Variants in CAB39L observed in about 807,000 individuals in gnomAD.
The protein encoded by CAB39L is calcium-binding protein 39-like.
In CAB39L, 23 loss-of-function variants were observed where a neutral mutation model predicts 39.1. The ratio of observed to expected loss-of-function variants is 0.59; its 90% CI spans 0.42 to 0.83. CAB39L has a LOEUF of 0.83. Among genes scored for constraint, CAB39L ranks in the 40% least tolerant of loss-of-function variants. The pLI is 0.00. For missense variants in CAB39L, 366 were observed against 391.9 expected, an observed-to-expected ratio of 0.93 and a Z score of 0.56; for synonymous variants, 126 against 137.2, an observed-to-expected ratio of 0.92 and a Z score of 0.57.
chr13:49,316,413 C>T (rs189157506), intron 10 of CAB39L, among the ~76,000 whole-genome samples: 1 of 152,068 alleles, frequency 6.6e-6, no homozygotes, highest in Non-Finnish European at 1.5e-5. Flanking sequence ...AGAATTAACA[C>T]AAATCTCTCT....
chr13:49,336,764 G>A (rs1954860529), intron 9 of CAB39L, among the ~76,000 whole-genome samples: 1 of 152,138 alleles, frequency 6.6e-6, no homozygotes, highest in Non-Finnish European at 1.5e-5. Context: ...ACCTCATTTG[G>A]CTATCCTTGT....
intron 3 of CAB39L, among the ~76,000 whole-genome samples, chr13:49,394,109 AAAT>A (rs2138630238): frequency 6.6e-6 from 1 of 152,036 alleles, no homozygotes; most frequent in South Asian, 2.1e-4. Context: ...TTCTATAGAT[AAAT>A]AATAAAAAAA....
At chr13:49,318,786 T>C (rs1353219505) in intron 10 of CAB39L, among the ~76,000 whole-genome samples, 1 of 151,604 alleles carries the variant, frequency 6.6e-6, no homozygotes, top group East Asian at 1.9e-4. Flanking sequence ...GAGCAACTCC[T>C]TTCCTAAAAA....
chr13:49,384,574 G>A (rs1956317787), intron 3 of CAB39L, among the ~76,000 whole-genome samples: 1 of 152,082 alleles, frequency 6.6e-6, no homozygotes, highest in Non-Finnish European at 1.5e-5. Flanking sequence ...ATGGCTGCTT[G>A]CATCTTATGA....
chr13:49,441,172 G>A (rs1010751329), intron 1 of CAB39L, among the ~76,000 whole-genome samples: 10 of 142,398 alleles, frequency 7.0e-5, no homozygotes, highest in South Asian at 4.4e-4. Flanking sequence ...TCATAATCTC[G>A]TGCAATGTTT....
intron 3 of CAB39L, among the ~76,000 whole-genome samples, chr13:49,394,589 G>A (rs1956566278): frequency 1.3e-5 from 2 of 152,024 alleles, no homozygotes; most frequent in African/African-American, 4.8e-5. Context: ...AATGTTTACT[G>A]CAATTTTTTA....
intron 5 of CAB39L, among the ~76,000 whole-genome samples, chr13:49,368,425 T>C (rs898410185): frequency 6.6e-6 from 1 of 152,226 alleles, no homozygotes; most frequent in Non-Finnish European, 1.5e-5. Context: ...TTAATCTTTG[T>C]AGCTATCAAT....
At chr13:49,421,853 G>C (rs1957176363) in intron 3 of CAB39L, among the ~76,000 whole-genome samples, 2 of 152,226 alleles carry the variant, frequency 1.3e-5, no homozygotes, top group Non-Finnish European at 2.9e-5. Flanking sequence ...AGTAGTGTTG[G>C]AGGGTGCCTG....
chr13:49,321,563 G>A (rs1222937057), intron 10 of CAB39L, among the ~76,000 whole-genome samples: 3 of 152,150 alleles, frequency 2.0e-5, no homozygotes, highest in African/African-American at 7.2e-5. Context: ...GCGCCTTCCG[G>A]GCTGTGCTGG....
chr13:49,385,146 T>C (rs117915564), intron 3 of CAB39L, among the ~76,000 whole-genome samples: 1,599 of 152,334 alleles, frequency 0.01, 11 homozygotes, highest in South Asian at 0.036. Flanking sequence ...TCACCAATGA[T>C]CTCAGCTAGA....
At chr13:49,411,132 G>C (rs755441720) in intron 3 of CAB39L, among the ~76,000 whole-genome samples, 4 of 151,822 alleles carry the variant, frequency 2.6e-5, no homozygotes, top group Admixed American at 2.6e-4. Flanking sequence ...ATCCCAGCCC[G>C]GTGTGGTGAC....
Position 49,310,791 on chromosome 13 carries a change from T to G in CAB39L, c.*23A>C. 6.2e-7 allele frequency: 1 copy of G among 1,609,888 alleles called. No homozygotes were observed. The highest frequency in any genetic ancestry group is 8.5e-7 in the Non-Finnish European group (1 of 1,177,436). On this transcript the variant is annotated 3_prime_UTR_variant, in exon 11 of 11. Coordinates refer to ENST00000409308, the MANE Select transcript of CAB39L (RefSeq NM_001079670.3). ...AAACTGGACAAATGAGACGACTGAC[T>G]GTGACAGGGGCCGGGGAGCTCTTCA...
chr13:49,442,122 A>C (rs1045760311), intron 1 of CAB39L, among the ~76,000 whole-genome samples: 6 of 152,130 alleles, frequency 3.9e-5, no homozygotes, highest in Non-Finnish European at 5.9e-5. Context: ...GGTGGTTTTA[A>C]TTTGCATTTT....
chr13:49,431,749 TA>T (rs537888649), intron 3 of CAB39L, among the ~76,000 whole-genome samples: 2 of 151,072 alleles, frequency 1.3e-5, no homozygotes, highest in Non-Finnish European at 3.0e-5. Flanking sequence ...AAACAAAAAG[TA>T]AAAAAAATCT....
chr13:49,316,801 A>G (rs1034460263), intron 10 of CAB39L, among the ~76,000 whole-genome samples: 7 of 152,216 alleles, frequency 4.6e-5, no homozygotes, highest in Admixed American at 4.6e-4. Context: ...TTCTTTACAG[A>G]TGTACTCAAG....
intron 3 of CAB39L, among the ~76,000 whole-genome samples, chr13:49,405,747 A>G (rs867497351): frequency 6.4e-4 from 84 of 130,664 alleles, no homozygotes; most frequent in African/African-American, 1.6e-3. Context: ...GGAAGGAAGG[A>G]AGGGAGGGAG....
At chr13:49,327,411 A>G (rs1210872679) in intron 10 of CAB39L, among the ~76,000 whole-genome samples, 3 of 151,818 alleles carry the variant, frequency 2.0e-5, no homozygotes, top group Admixed American at 6.6e-5. Context: ...TCAAGTGACA[A>G]TCCTGCCCTA....
At chr13:49,322,107 C>T (rs1366503691) in intron 10 of CAB39L, among the ~76,000 whole-genome samples, 1 of 152,082 alleles carries the variant, frequency 6.6e-6, no homozygotes, top group African/African-American at 2.4e-5. Context: ...TTTATCATCC[C>T]AAAAAGAAAC....
At position 49,321,281 on chromosome 13, in the gene CAB39L, T is replaced by C. The variant is rs566658259; in HGVS notation, c.835-10288A>G. Among the ~76,000 whole-genome samples the C allele has an allele frequency of 3.3e-5, 5 of 152,352 alleles. No individual in the cohort carries two copies. The South Asian group carries it at 1.0e-3, about 32-fold the overall frequency. On this transcript the variant is annotated intron_variant, in intron 10 of 10. Coordinates refer to ENST00000409308, the MANE Select transcript of CAB39L (RefSeq NM_001079670.3). ...AACTGGGCTTGCATTCTGTACATAG[T>C]ACTTTGTAAACTACTTTTTCCTTAA...
Sources: allele counts gnomAD v4.1 joint callset (sites outside exome capture counted in the v4.1 genomes callset), GRCh38; gene constraint gnomAD v4.1.1; transcripts MANE v1.5; gene names NCBI Gene and HGNC (gene_info 2026-07-23, HGNC 2026-07-21).